APPBP2: variants seen among roughly 807,000 people sequenced by gnomAD.
The protein encoded by APPBP2 is amyloid protein-binding protein 2.
APPBP2 carries 15 observed loss-of-function variants against 76.0 expected under a neutral mutation model. The observed-to-expected ratio is 0.20, with a 90% confidence interval of 0.13 to 0.30. The LOEUF (loss-of-function observed/expected upper bound fraction) is 0.30, where lower values mean the gene tolerates loss of function less well. Ranked by LOEUF, APPBP2 falls within the 10% of genes least tolerant of loss-of-function variation. APPBP2 has a pLI of 1.00. For missense variants in APPBP2, 401 were observed against 687.2 expected (o/e 0.58, Z 4.66); for synonymous variants, 222 against 242.2 (o/e 0.92, Z 0.77).
chr17:60,465,983 C>T (rs2090507871), intron 5 of APPBP2, among the ~76,000 whole-genome samples: 1 of 152,030 alleles, frequency 6.6e-6, no homozygotes, highest in Admixed American at 6.6e-5. Context: ...CCACCACAGG[C>T]GTGTGCTACA....
At chr17:60,492,116 G>T (rs1356946730) in intron 3 of APPBP2, among the ~76,000 whole-genome samples, 1 of 152,178 alleles carries the variant, frequency 6.6e-6, no homozygotes, top group East Asian at 1.9e-4. Context: ...TTCCAAGGGG[G>T]CAAGTCCCAA....
Position 60,445,379 on chromosome 17 carries a change from G to C in APPBP2, c.*2202C>G, listed in dbSNP as rs1354328178. 1 of 152,438 alleles carries C rather than the reference G, an allele frequency of 6.6e-6. No individual in the cohort carries two copies. The highest frequency in any genetic ancestry group is 1.5e-5 in the Non-Finnish European group (1 of 68,016). The allele number at this position is 152,438 out of a possible 1,614,324, so 9.4% of individuals were successfully genotyped here. On this transcript the variant is annotated 3_prime_UTR_variant, in exon 13 of 13. Coordinates refer to ENST00000083182, the MANE Select transcript of APPBP2 (RefSeq NM_006380.5). ...AAATGGAGTTAGGGAGGATGAGGCT[G>C]TAAGTCATTTGTTTATTTTTATCCT...
At chr17:60,511,582 G>GA (rs397946277) in intron 1 of APPBP2, among the ~76,000 whole-genome samples, 13,775 of 116,508 alleles carry the variant, frequency 0.12, 2,185 homozygotes, top group African/African-American at 0.36. Context: ...AGACTCCATT[G>GA]AAAAAAAAAA....
intron 1 of APPBP2, among the ~76,000 whole-genome samples, chr17:60,511,596 A>G (rs1183897968): frequency 6.6e-6 from 1 of 151,572 alleles, no homozygotes; most frequent in Non-Finnish European, 1.5e-5. Flanking sequence ...AAAAAAAAAA[A>G]GAAAAAGAAA....
chr17:60,464,446 T>C (rs1161783028), intron 5 of APPBP2, among the ~76,000 whole-genome samples: 1 of 152,198 alleles, frequency 6.6e-6, no homozygotes, highest in Non-Finnish European at 1.5e-5. Flanking sequence ...CTTAAACTCA[T>C]CTGTCTTGTG....
Position 60,451,994 on chromosome 17 carries a change from CAAG to C in APPBP2, c.1387_1389del (p.Leu463del). Reference sequence around the variant, plus strand: ...AGGGCTACTTCATAATCTTCTTGACCAAGAAGTTGTTCTTTAATCTGAATTGCT... The same window carrying C: ...AGGGCTACTTCATAATCTTCTTGACCAAGTTGTTCTTTAATCTGAATTGCT... On this transcript the variant is annotated inframe_deletion, in exon 12 of 13. Coordinates refer to ENST00000083182, the MANE Select transcript of APPBP2 (RefSeq NM_006380.5). 1 of 1,613,686 alleles carries C rather than the reference CAAG, an allele frequency of 6.2e-7. No homozygotes were observed. Among genetic ancestry groups the C allele is most frequent in the Non-Finnish European group, 8.5e-7 (1 of 1,179,886 alleles).
At chr17:60,489,992 G>A (rs1012871839) in intron 3 of APPBP2, among the ~76,000 whole-genome samples, 7 of 152,036 alleles carry the variant, frequency 4.6e-5, no homozygotes, top group African/African-American at 1.7e-4. Context: ...CAAAAATCAT[G>A]CCACTGCACT....
At position 60,525,917 on chromosome 17, in the gene APPBP2, T is replaced by C. The variant is rs750154521; in HGVS notation, c.15A>G (p.Glu5=). Residue 5 remains glutamate, a synonymous_variant, in exon 1 of 13, where the codon GAA becomes GAG. Coordinates refer to ENST00000083182, the MANE Select transcript of APPBP2 (RefSeq NM_006380.5). MAAV[E]LEWIPETLYN... ...AGAGAGTCTCTGGGATCCACTCTAG[T>C]TCCACGGCCGCCATCTTCCTTCCCT... 1.9e-5 allele frequency: 30 copies of C among 1,613,008 alleles called. No homozygotes were observed. The highest frequency in any genetic ancestry group is 2.2e-5 in the Non-Finnish European group (26 of 1,179,550).
intron 11 of APPBP2, among the ~76,000 whole-genome samples, chr17:60,452,604 T>G (rs1439095838): frequency 2.0e-5 from 3 of 152,308 alleles, no homozygotes; most frequent in Admixed American, 2.0e-4. Context: ...CTTTACTTAC[T>G]GTGATCCCAA....
intron 4 of APPBP2, among the ~76,000 whole-genome samples, chr17:60,469,693 C>T (rs2090538094): frequency 6.6e-6 from 1 of 152,136 alleles, no homozygotes; most frequent in Admixed American, 6.6e-5. Context: ...TTTCAAGGTT[C>T]ATCCATGTTG....
Position 60,443,578 on chromosome 17 carries a change from T to C in APPBP2, c.*4003A>G, listed in dbSNP as rs925885918. On this transcript the variant is annotated 3_prime_UTR_variant, in exon 13 of 13. Transcript: ENST00000083182. Reference sequence around the variant, plus strand: ...TCATAAAAGTAGAACTGAAAAGTTTTAGTTACCATGGCAAAATATCTTCCC... The same window carrying C: ...TCATAAAAGTAGAACTGAAAAGTTTCAGTTACCATGGCAAAATATCTTCCC... The C allele has an allele frequency of 6.6e-6, 1 of 152,662 alleles. No individual in the cohort carries two copies. Among genetic ancestry groups the C allele is most frequent in the Non-Finnish European group, 1.5e-5 (1 of 68,040 alleles). 9.5% of individuals were successfully genotyped at this position (152,662 alleles called of 1,614,324 possible).
rs2090326047 is a variant in APPBP2 at position 60,444,139 on chromosome 17, A to T, written c.*3442T>A. On this transcript the variant is annotated 3_prime_UTR_variant, in exon 13 of 13. Coordinates refer to ENST00000083182, the MANE Select transcript of APPBP2 (RefSeq NM_006380.5). ...AGCGAAACTCCGTCTGAAAAAAAAA[A>T]AAAAAATTTCCTGGCAACTAAGTTC... The T allele has an allele frequency of 6.6e-6, 1 of 152,532 alleles. No homozygotes were observed. The highest frequency in any genetic ancestry group is 1.5e-5 in the Non-Finnish European group (1 of 68,218). The allele number at this position is 152,532 out of a possible 1,614,324, so 9.4% of individuals were successfully genotyped here. A position where few individuals can be genotyped will look rare whatever the true frequency, so the allele number is the denominator to read the frequency against.
At chr17:60,500,343 T>C (rs1308245472) in intron 2 of APPBP2, 56 bp downstream of exon 2, 60 of 1,273,416 alleles carry the variant, frequency 4.7e-5, no homozygotes, top group Middle Eastern at 4.9e-4. Flanking sequence ...TCAATTCGGT[T>C]AAAATGGTAA....
At chr17:60,479,960 C>G (rs2090617185) in intron 3 of APPBP2, among the ~76,000 whole-genome samples, 1 of 152,150 alleles carries the variant, frequency 6.6e-6, no homozygotes, top group African/African-American at 2.4e-5. Context: ...AAAACCAAAG[C>G]TTATAATCCA....
intron 4 of APPBP2, among the ~76,000 whole-genome samples, 174 bp from the exon 5 acceptor site, chr17:60,466,633 T>C (rs2090513477): frequency 6.6e-6 from 1 of 152,184 alleles, no homozygotes; most frequent in Non-Finnish European, 1.5e-5. Context: ...AAGAAGTACA[T>C]GCTCTTTCCT....
chr17:60,487,912 T>A (rs1184341693), intron 3 of APPBP2, among the ~76,000 whole-genome samples: 2 of 152,246 alleles, frequency 1.3e-5, no homozygotes, highest in African/African-American at 4.8e-5. Flanking sequence ...ATGTCGATGC[T>A]ATTCCTTTCT....
At chr17:60,502,575 T>G (rs1204998858) in intron 1 of APPBP2, among the ~76,000 whole-genome samples, 1 of 131,460 alleles carries the variant, frequency 7.6e-6, no homozygotes, top group Non-Finnish European at 1.5e-5. Context: ...ATAAACAGGC[T>G]GGGCATGGTG....
Position 60,495,732 on chromosome 17 carries a change from G to T in APPBP2, c.228-1115C>A, listed in dbSNP as rs78391547. ...AATGATATGGCTGCTGTGAAAAAGT[G>T]TAGTGGTTCCTCAAAAAGTTAATCA... On this transcript the variant is annotated intron_variant, in intron 2 of 12. Transcript: ENST00000083182. Among the ~76,000 whole-genome samples the T allele has an allele frequency of 2.5e-3, 376 of 152,166 alleles. 1 individual carries two copies. Among genetic ancestry groups the T allele is most frequent in the African/African-American group, 8.8e-3 (365 of 41,512 alleles).
chr17:60,510,695 G>A (rs138122115), intron 1 of APPBP2, among the ~76,000 whole-genome samples: 3 of 152,284 alleles, frequency 2.0e-5, no homozygotes, highest in Admixed American at 2.0e-4. Context: ...GAGCCTGGGA[G>A]ACAAAGTGAG....
Sources: gnomAD v4.1 joint callset for allele counts (sites outside exome capture counted in the v4.1 genomes callset) on GRCh38, gnomAD v4.1.1 for gene constraint, MANE v1.5 for transcripts, NCBI Gene and HGNC (gene_info 2026-07-23, HGNC 2026-07-21) for gene names.